The following HMCN1 variants were observed in gnomAD, a reference collection of about 807,000 sequenced individuals.
The protein encoded by HMCN1 is hemicentin-1.
HMCN1 carries 321 observed loss-of-function variants against 625.9 expected under a neutral mutation model. The ratio of observed to expected loss-of-function variants is 0.51; its 90% CI spans 0.47 to 0.56. The LOEUF (loss-of-function observed/expected upper bound fraction) is 0.56, where lower values mean the gene tolerates loss of function less well. Among genes scored for constraint, HMCN1 ranks in the 20% least tolerant of loss-of-function variants. The pLI, the probability that HMCN1 is intolerant of heterozygous loss-of-function variation, is 0.00. For synonymous variants in HMCN1, 2,425 were observed against 2,417.6 expected, an observed-to-expected ratio of 1.00 and a Z score of -0.09; for missense variants, 6,588 against 6,887.3, an observed-to-expected ratio of 0.96 and a Z score of 1.54.
rs766115767 is a variant in HMCN1 at position 186,145,810 on chromosome 1, G to A, written c.14495G>A (p.Gly4832Glu). The change falls in exon 93 of 107, where the codon GGA becomes GAA. Residue 4832 changes from glycine to glutamate, a missense_variant. By Grantham distance (98) the Gly-to-Glu change is moderately conservative (BLOSUM62 -2). Around this residue, in one of 3 missense-constraint regions of HMCN1, gnomAD observed 1,954 missense variants for 2,013.1 expected, o/e 0.97. Coordinates refer to ENST00000271588, the MANE Select transcript of HMCN1 (RefSeq NM_031935.3). Reference sequence around the variant, plus strand: ...AGCCAGTGCTCTGCCTCCTGTGGAGGAGGTGAAAAGACTCGGAAGCGGCTG... The same window carrying A: ...AGCCAGTGCTCTGCCTCCTGTGGAGAAGGTGAAAAGACTCGGAAGCGGCTG... Reference protein sequence around the residue: ...SWSQCSASCGGGEKTRKRLCD... With the variant: ...SWSQCSASCGEGEKTRKRLCD... The A allele has an allele frequency of 2.5e-6, 4 of 1,613,990 alleles. No individual in the cohort carries two copies. The African/African-American group carries it at 4.0e-5, about 16-fold the overall frequency.
chr1:185,965,755 C>A, intron 13 of HMCN1, 47 bp from the exon 14 acceptor site: 2 of 1,023,024 alleles, frequency 2.0e-6, no homozygotes, highest in Non-Finnish European at 3.1e-6. Flanking sequence ...CAAAATCCAT[C>A]TGGTCTTGTG....
At chr1:185,902,379 C>CTCTATCTATCTATCTA (rs557542346) in intron 4 of HMCN1, among the ~76,000 whole-genome samples, 4 of 149,268 alleles carry the variant, frequency 2.7e-5, no homozygotes, top group African/African-American at 7.5e-5. Flanking sequence ...TGTGCTATGT[C>CTCTATCTATCTATCTA]TCTATCTATC....
chr1:186,118,142 C>A (rs190393002), intron 77 of HMCN1, among the ~76,000 whole-genome samples: 2 of 151,858 alleles, frequency 1.3e-5, no homozygotes, highest in Admixed American at 1.3e-4. Flanking sequence ...GTGGTAGTAA[C>A]CCTCATTTAT....
chr1:186,173,220 A>G (rs1344060623), intron 102 of HMCN1, among the ~76,000 whole-genome samples: 2 of 152,182 alleles, frequency 1.3e-5, no homozygotes, highest in Non-Finnish European at 2.9e-5. Context: ...GTTTCAGAAC[A>G]ATATGATAGG....
chr1:185,939,690 G>T (rs1426734039), intron 11 of HMCN1, among the ~76,000 whole-genome samples: 1 of 151,978 alleles, frequency 6.6e-6, no homozygotes, highest in African/African-American at 2.4e-5. Context: ...TTATTAGAGG[G>T]TTGAATTATG....
chr1:185,982,122 A>T, intron 17 of HMCN1, 140 bp from the exon 18 acceptor site: 1 of 834,148 alleles, frequency 1.2e-6, no homozygotes, highest in South Asian at 1.4e-5. Context: ...TCAAAATCAT[A>T]CCCATTTTCA....
intron 40 of HMCN1, among the ~76,000 whole-genome samples, chr1:186,043,991 G>T (rs1304994442): frequency 2.6e-5 from 4 of 152,132 alleles, no homozygotes; most frequent in African/African-American, 9.6e-5. Flanking sequence ...TGAGACAGAA[G>T]AATTGCTTGA....
At chr1:186,107,032 C>A in intron 70 of HMCN1, 67 bp downstream of exon 70, 1 of 907,878 alleles carries the variant, frequency 1.1e-6, no homozygotes, top group Non-Finnish European at 1.9e-6. Context: ...TGGGACAACA[C>A]CACAGCACAT....
intron 46 of HMCN1, among the ~76,000 whole-genome samples, chr1:186,061,246 C>G (rs1657674810): frequency 6.6e-6 from 1 of 152,078 alleles, no homozygotes. Flanking sequence ...GGGGAGGCCT[C>G]AGGAAACTTA....
chr1:186,018,211 G>A lies in HMCN1; in HGVS notation c.5329G>A (p.Glu1777Lys), dbSNP rs1020819220. 1 of 1,612,654 alleles carries A rather than the reference G, an allele frequency of 6.2e-7. No homozygotes were observed. The highest frequency in any genetic ancestry group is 8.5e-7 in the Non-Finnish European group (1 of 1,179,016). Residue 1777 changes from glutamate to lysine, a missense_variant, in exon 34 of 107, where the codon GAA becomes AAA. Glu to Lys is a moderately conservative substitution (Grantham distance 56). Transcript: ENST00000271588. ...MWLKDGQLID[E>K]RDGFKILLNG... is the part of the protein sequence containing the mutation. ...GCTGAAGGATGGCCAGTTAATTGAT[G>A]AAAGGGATGGATTCAAGATTTTATT... is the stretch of plus-strand genomic sequence containing the variant.
chr1:185,866,194 A>C (rs1161981638), intron 4 of HMCN1, among the ~76,000 whole-genome samples: 2 of 152,088 alleles, frequency 1.3e-5, no homozygotes, highest in Non-Finnish European at 2.9e-5. Context: ...TATTAAAATG[A>C]GGCTAAACTG....
At position 186,104,588 on chromosome 1, in the gene HMCN1, C is replaced by T. The variant is rs770294536; in HGVS notation, c.10770+920C>T. ...TCTGTGCTATCTATCCCACCCATTCCCCTCATGGCAACTCTGTGAGGCAAT... is the reference window on the plus strand; with the variant it reads ...TCTGTGCTATCTATCCCACCCATTCTCCTCATGGCAACTCTGTGAGGCAAT... On this transcript the variant is annotated intron_variant, in intron 69 of 106. Coordinates refer to ENST00000271588, the MANE Select transcript of HMCN1 (RefSeq NM_031935.3). 5.3e-4 allele frequency among the ~76,000 whole-genome samples: 81 copies of T among 152,266 alleles called. 1 individual carries two copies. Among genetic ancestry groups the T allele is most frequent in the Non-Finnish European group, 7.5e-4 (51 of 68,020 alleles).
chr1:186,144,808 G>C (rs1459487309), intron 91 of HMCN1, 105 bp downstream of exon 91: 2 of 1,318,576 alleles, frequency 1.5e-6, no homozygotes, highest in African/African-American at 2.9e-5. Context: ...TTCAACCTTT[G>C]GTTTAGGATG....
intron 1 of HMCN1, among the ~76,000 whole-genome samples, chr1:185,783,105 A>G (rs1041685264): frequency 6.6e-6 from 1 of 152,036 alleles, no homozygotes; most frequent in African/African-American, 2.4e-5. Flanking sequence ...TTGATCTTCA[A>G]TCACTGATAT....
intron 78 of HMCN1, among the ~76,000 whole-genome samples, 200 bp from the exon 79 acceptor site, chr1:186,119,545 G>A (rs962923333): frequency 6.6e-6 from 1 of 152,138 alleles, no homozygotes; most frequent in Non-Finnish European, 1.5e-5. Context: ...TAGTCTTCCA[G>A]TGGGGTTCTT....
chr1:185,809,236 T>C (rs899103729), intron 1 of HMCN1, among the ~76,000 whole-genome samples: 3 of 152,064 alleles, frequency 2.0e-5, no homozygotes, highest in African/African-American at 7.2e-5. Context: ...GGAAAACAGA[T>C]TTTGGCAGTT....
rs1659471240 is a variant in HMCN1 at position 186,086,323 on chromosome 1, G to A, written c.8962G>A (p.Val2988Ile). The A allele has an allele frequency of 6.2e-7, 1 of 1,613,278 alleles. No homozygotes were observed. Among genetic ancestry groups the A allele is most frequent in the African/African-American group, 1.3e-5 (1 of 74,970 alleles). ...CAATTTCATCTCTTTGACCTGTGAG[G>A]TCTCTGGTTTTCCACCTCCTGACCT... is the stretch of plus-strand genomic sequence containing the variant. The part of the protein sequence containing the change: ...VNNFISLTCE[V>I]SGFPPPDLSW... The change falls in exon 58 of 107, where the codon GTC becomes ATC. Residue 2988 changes from valine (V) to isoleucine (I), a missense_variant. This residue lies in a region of HMCN1 where 4,628 missense variants were observed against 4,853.1 expected (regional missense o/e 0.95). Coordinates refer to ENST00000271588, the MANE Select transcript of HMCN1 (RefSeq NM_031935.3).
At chr1:186,040,641 T>G (rs529313560) in intron 39 of HMCN1, among the ~76,000 whole-genome samples, 2 of 152,140 alleles carry the variant, frequency 1.3e-5, no homozygotes, top group African/African-American at 2.4e-5. Flanking sequence ...GTTGTTAATT[T>G]TAGCGTCTTA....
At chr1:185,868,031 C>T (rs1232535454) in intron 4 of HMCN1, among the ~76,000 whole-genome samples, 8 of 151,560 alleles carry the variant, frequency 5.3e-5, no homozygotes, top group Non-Finnish European at 1.2e-4. Context: ...ACCACACCAC[C>T]GCACTCCAGC....
Sources: gnomAD v4.1 joint callset for allele counts (sites outside exome capture counted in the v4.1 genomes callset) on GRCh38, gnomAD v4.1.1 for gene constraint, gnomAD v4.1.1 regional missense constraint, MANE v1.5 for transcripts, NCBI Gene and HGNC (gene_info 2026-07-23, HGNC 2026-07-21) for gene names.